ECPAS: variants seen among roughly 807,000 people sequenced by gnomAD.
The protein encoded by ECPAS is Ecm29 proteasome adaptor and scaffold, also known as proteasome adapter and scaffold protein ECM29.
Under a neutral mutation model 255.1 loss-of-function variants are expected in ECPAS, and 70 were observed. That is an observed-to-expected ratio of 0.27 (90% CI 0.23 to 0.33). The LOEUF is 0.33. Ranked by LOEUF, ECPAS falls within the 10% of genes least tolerant of loss-of-function variation. The probability of loss-of-function intolerance (pLI) is 1.00; values close to 1 mark genes in which losing one functional copy is unlikely to be tolerated. For synonymous variants in ECPAS, 784 were observed against 775.0 expected (o/e 1.01, Z -0.19); for missense variants, 1,817 against 2,206.4 (o/e 0.82, Z 3.54).
Position 111,392,766 on chromosome 9 carries a change from A to G in ECPAS, c.3092+2T>C. ...AATCTAAAATTTTCAAGTTCACCAT[A>G]CCTTTTGCCAGTCATAAGTGTTTCC... is the stretch of plus-strand genomic sequence containing the variant. On this transcript the variant is annotated splice_donor_variant, in intron 28 of 49. Transcript: ENST00000684092. LOFTEE classifies it high-confidence loss of function. 1 of 1,601,140 alleles carries G rather than the reference A, an allele frequency of 6.2e-7. No individual in the cohort carries two copies. The highest frequency in any genetic ancestry group is 8.5e-7 in the Non-Finnish European group (1 of 1,170,168).
rs118055997 is a variant in ECPAS at position 111,481,736 on chromosome 9, T to C, written c.-83+2380A>G. 8.0e-3 allele frequency among the ~76,000 whole-genome samples: 1,219 copies of C among 152,288 alleles called. 13 individuals carry two copies. The highest frequency in any genetic ancestry group is 0.013 in the Non-Finnish European group (875 of 68,024). On this transcript the variant is annotated intron_variant, in intron 1 of 49. Coordinates refer to ENST00000684092, the MANE Select transcript of ECPAS (RefSeq NM_001364929.1). The stretch of plus-strand genomic sequence containing the variant: ...CAGATAGATGGACAAGGAAATGTGA[T>C]ATATACATACAAGGGAATATCATTC...
rs370833936 is a variant in ECPAS, at chr9:111,440,549, C to G, written c.390-28G>C. On this transcript the variant is annotated intron_variant, in intron 5 of 49. Coordinates refer to ENST00000684092, the MANE Select transcript of ECPAS (RefSeq NM_001364929.1). The stretch of plus-strand genomic sequence containing the variant: ...GAAAAAACAATTACATTTATTGCAA[C>G]TACTTAAAAAATGAGATTTTTATAC... The G allele has an allele frequency of 2.6e-5, 40 of 1,512,100 alleles. No individual in the cohort carries two copies. The African/African-American group carries it at 4.7e-4, about 18-fold the overall frequency. 93.7% of individuals were successfully genotyped at this position (1,512,100 alleles called of 1,614,324 possible). A position where few individuals can be genotyped will look rare whatever the true frequency, so the allele number is the denominator to read the frequency against.
At chr9:111,466,652 C>T (rs1240323006) in intron 2 of ECPAS, among the ~76,000 whole-genome samples, 1 of 151,298 alleles carries the variant, frequency 6.6e-6, no homozygotes, top group Non-Finnish European at 1.5e-5. Flanking sequence ...CACACACACA[C>T]ACACGTTTTT....
At chr9:111,458,111 T>TAA (rs1204429145) in intron 2 of ECPAS, among the ~76,000 whole-genome samples, 5 of 152,172 alleles carry the variant, frequency 3.3e-5, no homozygotes, top group Non-Finnish European at 5.9e-5. Context: ...AAACTATACA[T>TAA]TATTAATATA....
rs74489990 is a variant in ECPAS at position 111,474,978 on chromosome 9, T to C, written c.-82-1978A>G. Among the ~76,000 whole-genome samples the C allele has an allele frequency of 6.6e-3, 1,004 of 152,260 alleles. 19 individuals are homozygous for C. Among genetic ancestry groups the C allele is most frequent in the South Asian group, 0.026 (125 of 4,822 alleles). On this transcript the variant is annotated intron_variant, in intron 1 of 49. Coordinates refer to ENST00000684092, the MANE Select transcript of ECPAS (RefSeq NM_001364929.1). ...TCCCATCATAACAGACTTACTCAGC[T>C]TTTTTTGTTTTGCATAATATTTCCC...
intron 5 of ECPAS, among the ~76,000 whole-genome samples, chr9:111,440,943 T>C (rs1161814538): frequency 1.3e-5 from 2 of 152,098 alleles, no homozygotes; most frequent in Non-Finnish European, 1.5e-5. Context: ...GGCGGGCAGA[T>C]GACGAGGTCA....
intron 43 of ECPAS, 115 bp downstream of exon 43, chr9:111,371,506 T>C (rs2098127248): frequency 1.0e-6 from 1 of 988,426 alleles, no homozygotes. Flanking sequence ...GTCTAGGAAA[T>C]CTAGTTCACA....
chr9:111,472,397 C>T (rs934483144), intron 2 of ECPAS, among the ~76,000 whole-genome samples: 2 of 147,740 alleles, frequency 1.4e-5, no homozygotes, highest in African/African-American at 2.5e-5. Context: ...AATAACATCT[C>T]CAAGGGAGGC....
Position 111,362,146 on chromosome 9 carries a change from T to C in ECPAS, c.5404A>G (p.Thr1802Ala). ...LEESKQWECL[T>A]SECRVLLIES... ...ATTAGGAGCACTCTGCATTCAGATGTCAAACATTCCCACTGTTTAGATTCT... is the reference window on the plus strand; with the variant it reads ...ATTAGGAGCACTCTGCATTCAGATGCCAAACATTCCCACTGTTTAGATTCT... Residue 1802 changes from threonine (T) to alanine (A), a missense_variant, in exon 50 of 50, where the codon ACA becomes GCA. By Grantham distance (58) the Thr-to-Ala change is moderately conservative. This residue lies in a region of ECPAS where 960 missense variants were observed against 1,179.0 expected (regional missense o/e 0.81). Coordinates refer to ENST00000684092, the MANE Select transcript of ECPAS (RefSeq NM_001364929.1). 6.3e-7 allele frequency: 1 copy of C among 1,596,318 alleles called. No individual in the cohort carries two copies. The highest frequency in any genetic ancestry group is 1.1e-5 in the South Asian group (1 of 88,968).
In ECPAS at chr9:111,393,535, T is replaced by C. The variant is rs954781037; in HGVS notation, c.2977+145A>G. The C allele has an allele frequency of 8.2e-6, 5 of 608,504 alleles. No individual in the cohort carries two copies. In the African/African-American group the frequency reaches 9.4e-5, roughly 11 times the overall value. 37.7% of individuals were successfully genotyped at this position (608,504 alleles called of 1,614,324 possible). ...GGTTTCTAAACATTAACATAATGCTTATCCTTACTACTAACAAATAAGGTT... is the reference window on the plus strand; with the variant it reads ...GGTTTCTAAACATTAACATAATGCTCATCCTTACTACTAACAAATAAGGTT... On this transcript the variant is annotated intron_variant, in intron 27 of 49. Transcript: ENST00000684092.
At chr9:111,384,387 T>G in intron 34 of ECPAS, 135 bp downstream of exon 34, 1 of 731,492 alleles carries the variant, frequency 1.4e-6, no homozygotes, top group Non-Finnish European at 2.4e-6. Flanking sequence ...TCATTCATTC[T>G]AAGAGCAGTG....
intron 9 of ECPAS, among the ~76,000 whole-genome samples, chr9:111,428,704 T>C (rs1462267561): frequency 9.9e-5 from 15 of 152,086 alleles, no homozygotes; most frequent in Admixed American, 7.9e-4. Context: ...ACACCAAAAC[T>C]TGACAAATAA....
At chr9:111,482,182 G>A (rs114619660) in intron 1 of ECPAS, among the ~76,000 whole-genome samples, 1 of 152,182 alleles carries the variant, frequency 6.6e-6, no homozygotes, top group Admixed American at 6.5e-5. Context: ...ACGTGGAACC[G>A]ACAGAAGAGC....
At chr9:111,427,230 T>C (rs2098223137) in intron 10 of ECPAS, among the ~76,000 whole-genome samples, 1 of 150,480 alleles carries the variant, frequency 6.6e-6, no homozygotes, top group South Asian at 2.1e-4. Flanking sequence ...GGAAGGTAAG[T>C]TAAAAGAATA....
At chr9:111,479,877 G>A (rs1260552795) in intron 1 of ECPAS, among the ~76,000 whole-genome samples, 1 of 151,004 alleles carries the variant, frequency 6.6e-6, no homozygotes, top group Admixed American at 6.6e-5. Flanking sequence ...TACTCAGGAG[G>A]CTAAGGCAGG....
At chr9:111,370,941 C>T (rs1403786029) in intron 43 of ECPAS, among the ~76,000 whole-genome samples, 176 bp from the exon 44 acceptor site, 2 of 152,188 alleles carry the variant, frequency 1.3e-5, no homozygotes, top group African/African-American at 2.4e-5. Flanking sequence ...TTACTCCAAA[C>T]CATGGATGTA....
chr9:111,457,492 G>A (rs931358385), intron 2 of ECPAS, among the ~76,000 whole-genome samples: 1 of 152,182 alleles, frequency 6.6e-6, no homozygotes, highest in Non-Finnish European at 1.5e-5. Flanking sequence ...CTCTGCCATT[G>A]TAACAGGAGG....
intron 35 of ECPAS, 74 bp downstream of exon 35, chr9:111,383,137 T>A: frequency 1.3e-6 from 2 of 1,564,576 alleles, no homozygotes; most frequent in Non-Finnish European, 1.8e-6. Flanking sequence ...TTTTCCAGAA[T>A]CTAACCTTGA....
chr9:111,440,346 A>C lies in ECPAS; in HGVS notation c.539+26T>G, dbSNP rs537411169. The C allele has an allele frequency of 3.8e-6, 6 of 1,578,586 alleles. No homozygotes were observed. In the African/African-American group the frequency reaches 8.1e-5, roughly 21 times the overall value. ...CCCCGTAGTAAAAGCAGTCAAGAAC[A>C]AGGTTGCTTTTATTTTTTAACTCAC... On this transcript the variant is annotated intron_variant, in intron 6 of 49. Transcript: ENST00000684092.
Sources: allele counts gnomAD v4.1 joint callset (sites outside exome capture counted in the v4.1 genomes callset), GRCh38; gene constraint gnomAD v4.1.1; regional missense constraint gnomAD v4.1.1; transcripts MANE v1.5; gene names NCBI Gene and HGNC (gene_info 2026-07-23, HGNC 2026-07-21).